Variants in CA1 observed in about 807,000 individuals in gnomAD.
CA1 encodes carbonic anhydrase 1, also known as carbonate dehydratase I.
Under a neutral mutation model 28.8 loss-of-function variants are expected in CA1, and 27 were observed. That is an observed-to-expected ratio of 0.94 (90% confidence interval 0.69 to 1.29). The LOEUF (loss-of-function observed/expected upper bound fraction) is 1.29. CA1 is among the 50% of genes most tolerant of loss of function. The pLI is 0.00. For synonymous variants in CA1, 121 were observed against 108.8 expected (o/e 1.11, Z -0.70); for missense variants, 335 against 310.5 (o/e 1.08, Z -0.59).
chr8:85,370,952 G>T (rs1355181506), intron 1 of CA1, among the ~76,000 whole-genome samples: 2 of 152,086 alleles, frequency 1.3e-5, no homozygotes, highest in African/African-American at 4.8e-5. Flanking sequence ...TAAATTTGAT[G>T]TCATAATTCT....
intron 6 of CA1, 184 bp downstream of exon 6, chr8:85,332,306 C>CA (rs1400366586): frequency 3.5e-6 from 2 of 574,088 alleles, no homozygotes; most frequent in Non-Finnish European, 6.3e-6. Flanking sequence ...AACAGAAAAC[C>CA]AAAACAATTC....
intron 1 of CA1, among the ~76,000 whole-genome samples, chr8:85,353,927 C>T (rs1253317895): frequency 6.6e-6 from 1 of 152,044 alleles, no homozygotes; most frequent in Non-Finnish European, 1.5e-5. Context: ...ATTCTAATAA[C>T]TATCCTGACA....
chr8:85,359,959 G>A (rs558774609), intron 1 of CA1, among the ~76,000 whole-genome samples: 1 of 152,242 alleles, frequency 6.6e-6, no homozygotes, highest in East Asian at 1.9e-4. Context: ...CTAAAACCAT[G>A]GAAAACATGT....
intron 6 of CA1, among the ~76,000 whole-genome samples, chr8:85,332,103 ATC>A (rs1808430910): frequency 6.6e-6 from 1 of 152,192 alleles, no homozygotes; most frequent in African/African-American, 2.4e-5. Flanking sequence ...AAGATTGTAT[ATC>A]AACCATATCT....
chr8:85,355,270 T>C (rs1809560440), intron 1 of CA1, among the ~76,000 whole-genome samples: 1 of 152,188 alleles, frequency 6.6e-6, no homozygotes, highest in African/African-American at 2.4e-5. Flanking sequence ...ACACGAACAC[T>C]GAGAAACATC....
At chr8:85,328,987 G>A (rs867684346) in intron 7 of CA1, among the ~76,000 whole-genome samples, 6 of 152,084 alleles carry the variant, frequency 3.9e-5, no homozygotes, top group Non-Finnish European at 8.8e-5. Context: ...GCTGGGGTAC[G>A]TTGGGCGAGC....
intron 1 of CA1, among the ~76,000 whole-genome samples, chr8:85,363,803 G>C (rs1028050494): frequency 2.6e-5 from 4 of 152,158 alleles, no homozygotes; most frequent in South Asian, 4.1e-4. Context: ...GTTCCAGTCA[G>C]CTCATTCATG....
chr8:85,377,912 G>T (rs1810477698), intron 1 of CA1, 134 bp downstream of exon 1: 4 of 152,162 alleles, frequency 2.6e-5, no homozygotes, highest in South Asian at 4.1e-4. Context: ...TTTAAGCTTT[G>T]CAGCTTTCAT....
chr8:85,372,881 T>A (rs1449130620), intron 1 of CA1, among the ~76,000 whole-genome samples: 1 of 152,154 alleles, frequency 6.6e-6, no homozygotes, highest in Admixed American at 6.5e-5. Context: ...GTTATCAGAT[T>A]TTCTGTTGCC....
intron 1 of CA1, among the ~76,000 whole-genome samples, chr8:85,369,135 G>T (rs143362488): frequency 1.5e-3 from 223 of 152,206 alleles, no homozygotes; most frequent in African/African-American, 5.3e-3. Flanking sequence ...GTTAAACTGC[G>T]CATCATAACT....
intron 1 of CA1, among the ~76,000 whole-genome samples, chr8:85,375,207 G>A (rs114280090): frequency 6.6e-6 from 1 of 152,086 alleles, no homozygotes; most frequent in Non-Finnish European, 1.5e-5. Flanking sequence ...TCTCTCCACT[G>A]TGCTATTCCA....
chr8:85,344,081 G>GTATATATATA lies in CA1; in HGVS notation c.-24-2432_-24-2423dup, dbSNP rs56308220. Among the ~76,000 whole-genome samples, 1,015 of 128,544 alleles carry GTATATATATA rather than the reference G, an allele frequency of 7.9e-3. 16 individuals are homozygous for GTATATATATA. Among genetic ancestry groups the GTATATATATA allele is most frequent in the East Asian group, 0.046 (205 of 4,416 alleles). The allele number at this position is 128,544 out of a possible 152,430, so 84.3% of individuals were successfully genotyped here. A position where few individuals can be genotyped will look rare whatever the true frequency, so the allele number is the denominator to read the frequency against. On this transcript the variant is annotated intron_variant, in intron 1 of 7. Transcript: ENST00000523022. ...CAGACTCTGCTCTTCTAAACTAAAAGTATATATATATATATATACTTTTAA... is the reference window on the plus strand; with the variant it reads ...CAGACTCTGCTCTTCTAAACTAAAAGTATATATATATATATATATATATATATACTTTTAA...
At chr8:85,361,092 C>T (rs1809776182) in intron 1 of CA1, among the ~76,000 whole-genome samples, 1 of 152,086 alleles carries the variant, frequency 6.6e-6, no homozygotes, top group Non-Finnish European at 1.5e-5. Context: ...ACATGTTGTC[C>T]CATCCTGAGA....
chr8:85,348,021 T>C (rs972272524), intron 1 of CA1, among the ~76,000 whole-genome samples: 1 of 152,218 alleles, frequency 6.6e-6, no homozygotes, highest in Non-Finnish European at 1.5e-5. Context: ...TTAACAAACA[T>C]TTCCAGGTAA....
intron 1 of CA1, chr8:85,343,224 T>C (rs922035907): frequency 6.6e-6 from 1 of 151,670 alleles, no homozygotes; most frequent in Non-Finnish European, 1.5e-5. Flanking sequence ...GATACTCTGT[T>C]TCTGGAAAAA....
intron 1 of CA1, among the ~76,000 whole-genome samples, chr8:85,349,420 T>TA (rs1809321631): frequency 6.6e-6 from 1 of 152,262 alleles, no homozygotes; most frequent in Non-Finnish European, 1.5e-5. Flanking sequence ...TGATAAATTA[T>TA]AAAATCAAAC....
chr8:85,374,236 A>G (rs1281020846), intron 1 of CA1, among the ~76,000 whole-genome samples: 1 of 152,196 alleles, frequency 6.6e-6, no homozygotes, highest in Non-Finnish European at 1.5e-5. Context: ...AATATTTCAT[A>G]TTCAGCCACT....
chr8:85,343,961 A>G (rs1442598510), intron 1 of CA1, among the ~76,000 whole-genome samples: 1 of 150,682 alleles, frequency 6.6e-6, no homozygotes, highest in African/African-American at 2.4e-5. Flanking sequence ...TTAGTTTTGT[A>G]TTCACTTCAC....
At chr8:85,352,787 C>T (rs1809462217) in intron 1 of CA1, among the ~76,000 whole-genome samples, 1 of 151,968 alleles carries the variant, frequency 6.6e-6, no homozygotes, top group Non-Finnish European at 1.5e-5. Flanking sequence ...GTGCCTCAGC[C>T]TGCAAGTAGC....
Sources: allele counts gnomAD v4.1 joint callset (sites outside exome capture counted in the v4.1 genomes callset), GRCh38; gene constraint gnomAD v4.1.1; transcripts MANE v1.5; gene names NCBI Gene and HGNC (gene_info 2026-07-23, HGNC 2026-07-21).